The following LOXL2 variants were observed in gnomAD, a reference collection of about 807,000 sequenced individuals.
The protein encoded by LOXL2 is lysyl oxidase like 2.
In LOXL2, 70 loss-of-function variants were observed where a neutral mutation model predicts 93.0. The ratio of observed to expected loss-of-function variants is 0.75; its 90% CI spans 0.62 to 0.92. The LOEUF (loss-of-function observed/expected upper bound fraction) is 0.92. Ranked by LOEUF, LOXL2 falls within the 40% of genes least tolerant of loss-of-function variation. The pLI is 0.00. For synonymous variants in LOXL2, 438 were observed against 413.2 expected (o/e 1.06, Z -0.73); for missense variants, 973 against 1,054.9 (o/e 0.92, Z 1.08).
chr8:23,384,322 GA>G (rs1804724666), intron 1 of LOXL2, among the ~76,000 whole-genome samples: 1 of 152,190 alleles, frequency 6.6e-6, no homozygotes, highest in Non-Finnish European at 1.5e-5. Context: ...TGCTTGCCCT[GA>G]AGGAAATGAG....
At chr8:23,378,759 C>T (rs531631020) in intron 1 of LOXL2, among the ~76,000 whole-genome samples, 25 of 152,336 alleles carry the variant, frequency 1.6e-4, no homozygotes, top group African/African-American at 5.3e-4. Context: ...GCATTCGTCA[C>T]GTAGTTCTCG....
chr8:23,360,760 C>T (rs775578568), intron 2 of LOXL2, among the ~76,000 whole-genome samples: 21 of 152,102 alleles, frequency 1.4e-4, no homozygotes, highest in Non-Finnish European at 2.4e-4. Flanking sequence ...ATAATGATGA[C>T]GATGATGATG....
At chr8:23,388,651 ACACACACACACACACAC>A (rs1563209699) in intron 1 of LOXL2, among the ~76,000 whole-genome samples, 1 of 117,532 alleles carries the variant, frequency 8.5e-6, no homozygotes, top group African/African-American at 2.7e-5. Context: ...ACACACACAC[ACACACACACACACACAC>A]ACTAGAAATG....
chr8:23,332,871 C>T (rs1249697279), intron 5 of LOXL2, among the ~76,000 whole-genome samples: 2 of 140,736 alleles, frequency 1.4e-5, no homozygotes, highest in African/African-American at 2.7e-5. Context: ...CTCATACACA[C>T]GCACAGACTC....
chr8:23,333,559 C>T lies in LOXL2; in HGVS notation c.808G>A (p.Ala270Thr). 6.2e-7 allele frequency: 1 copy of T among 1,613,920 alleles called. No homozygotes were observed. Among genetic ancestry groups the T allele is most frequent in the Non-Finnish European group, 8.5e-7 (1 of 1,180,050 alleles). The change falls in exon 5 of 14, where the codon GCC becomes ACC. Residue 270 changes from alanine (A) to threonine (T), a missense_variant. Coordinates refer to ENST00000389131, the MANE Select transcript of LOXL2 (RefSeq NM_002318.3). ...CCCAGCTTGCAGCTGGAGATGTGGG[C>T]CTCTGTGCCGGTGCAGTCCATGGAG... ...PFSMDCTGTE[A>T]HISSCKLGPQ... is the part of the protein sequence containing the mutation.
At chr8:23,339,303 A>T (rs9886479) in intron 4 of LOXL2, among the ~76,000 whole-genome samples, 58,174 of 151,612 alleles carry the variant, frequency 0.38, 12,673 homozygotes, top group African/African-American at 0.6. Flanking sequence ...GTTCTTCATC[A>T]CCCATCCTGC....
chr8:23,301,466 T>C (rs1390845367), intron 12 of LOXL2, among the ~76,000 whole-genome samples: 1 of 152,226 alleles, frequency 6.6e-6, no homozygotes, highest in African/African-American at 2.4e-5. Flanking sequence ...GGCCAGGCTG[T>C]GTCTCGTGTT....
intron 13 of LOXL2, among the ~76,000 whole-genome samples, 154 bp from the exon 14 acceptor site, chr8:23,298,276 G>A (rs1803072202): frequency 6.6e-6 from 1 of 152,206 alleles, no homozygotes; most frequent in Non-Finnish European, 1.5e-5. Flanking sequence ...CATCTCTAGG[G>A]CTGGGCACAT....
chr8:23,306,977 A>G (rs951330804), intron 10 of LOXL2, among the ~76,000 whole-genome samples: 3 of 152,206 alleles, frequency 2.0e-5, no homozygotes, highest in Non-Finnish European at 2.9e-5. Context: ...AAGGGGGCCA[A>G]TCTTTGTGTT....
intron 5 of LOXL2, among the ~76,000 whole-genome samples, chr8:23,333,025 G>A (rs76920024): frequency 0.025 from 3,783 of 152,096 alleles, 73 homozygotes; most frequent in Non-Finnish European, 0.039. Context: ...TACCCTTTCT[G>A]TTGCAAAATA....
intron 4 of LOXL2, among the ~76,000 whole-genome samples, chr8:23,333,836 TG>T (rs1803746447): frequency 1.3e-5 from 2 of 152,162 alleles, no homozygotes; most frequent in Non-Finnish European, 2.9e-5. Flanking sequence ...ACGCAGAGGG[TG>T]GACAAGGCCT....
In LOXL2 at chr8:23,304,855, T is replaced by C. The variant is rs538092172; in HGVS notation, c.1881-1458A>G. On this transcript the variant is annotated intron_variant, in intron 10 of 13. Transcript: ENST00000389131. Reference sequence around the variant, plus strand: ...GGTTCCCTCTGCTGTGTACGGGCAGTGGGGGCACGGGGAACGGGGAAGACA... The same window carrying C: ...GGTTCCCTCTGCTGTGTACGGGCAGCGGGGGCACGGGGAACGGGGAAGACA... Among the ~76,000 whole-genome samples, 11 of 152,176 alleles carry C rather than the reference T, an allele frequency of 7.2e-5. No homozygotes were observed. In the South Asian group the frequency reaches 2.3e-3, roughly 32 times the overall value.
intron 1 of LOXL2, among the ~76,000 whole-genome samples, chr8:23,385,244 CTTTT>C (rs67050683): frequency 1.5e-5 from 2 of 132,768 alleles, no homozygotes; most frequent in Non-Finnish European, 1.6e-5. Flanking sequence ...GATTTTTTTT[CTTTT>C]TTTTTTTTTT....
chr8:23,387,724 T>C (rs1224961253), intron 1 of LOXL2, among the ~76,000 whole-genome samples: 3 of 151,698 alleles, frequency 2.0e-5, no homozygotes, highest in African/African-American at 4.8e-5. Flanking sequence ...CTGAGGCAGG[T>C]GGATCACTGG....
intron 3 of LOXL2, 41 bp downstream of exon 3, chr8:23,360,049 A>G: frequency 9.6e-6 from 15 of 1,566,678 alleles, no homozygotes; most frequent in Non-Finnish European, 1.3e-5. Flanking sequence ...GGAAGAGGAA[A>G]AATGTTTGCA....
At chr8:23,299,811 G>A (rs1486191398) in intron 12 of LOXL2, among the ~76,000 whole-genome samples, 1 of 152,212 alleles carries the variant, frequency 6.6e-6, no homozygotes, top group Non-Finnish European at 1.5e-5. Flanking sequence ...TGGGGCCCCA[G>A]AAGGGCCTGG....
At chr8:23,332,736 A>AC (rs1274054719) in intron 5 of LOXL2, among the ~76,000 whole-genome samples, 1 of 55,854 alleles carries the variant, frequency 1.8e-5, no homozygotes, top group African/African-American at 8.1e-5. Flanking sequence ...ACACTCATAC[A>AC]CCCCCATAAA....
In LOXL2 at chr8:23,332,970, G is replaced by A. The variant is rs191894792; in HGVS notation, c.966+431C>T. 1.7e-3 allele frequency among the ~76,000 whole-genome samples: 251 copies of A among 151,626 alleles called. 2 individuals are homozygous for A. The highest frequency in any genetic ancestry group is 5.9e-3 in the African/African-American group (244 of 41,342). ...TGTGACTAATGTATAGATGACTTAG[G>A]ATAATGGCAGGTTTTCTACCTTGGT... On this transcript the variant is annotated intron_variant, in intron 5 of 13. Transcript: ENST00000389131.
At chr8:23,319,811 G>T (rs1001268249) in intron 8 of LOXL2, 74 bp downstream of exon 8, 7 of 1,491,910 alleles carry the variant, frequency 4.7e-6, no homozygotes, top group East Asian at 4.5e-5. Flanking sequence ...ACGTGGGAGA[G>T]GGGGGCTGAC....
Sources: allele counts gnomAD v4.1 joint callset (sites outside exome capture counted in the v4.1 genomes callset), GRCh38; gene constraint gnomAD v4.1.1; transcripts MANE v1.5; gene names NCBI Gene and HGNC (gene_info 2026-07-23, HGNC 2026-07-21).